Variants in WWC2 observed in about 807,000 individuals in gnomAD.
The protein encoded by WWC2 is WW and C2 domain containing 2.
In WWC2, 101 loss-of-function variants were observed where a neutral mutation model predicts 138.5. The ratio of observed to expected loss-of-function variants is 0.73; its 90% CI spans 0.62 to 0.86. The LOEUF (loss-of-function observed/expected upper bound fraction) is 0.86. WWC2 is among the 40% of genes least tolerant of loss of function. WWC2 has a pLI of 0.00. For missense variants in WWC2, 1,420 were observed against 1,419.4 expected, an observed-to-expected ratio of 1.00 and a Z score of -0.01; for synonymous variants, 558 against 538.4, an observed-to-expected ratio of 1.04 and a Z score of -0.50.
intron 1 of WWC2, among the ~76,000 whole-genome samples, chr4:183,109,593 G>A (rs72691669): frequency 0.012 from 1,815 of 152,262 alleles, 18 homozygotes; most frequent in Non-Finnish European, 0.019. Flanking sequence ...TCATTATAGG[G>A]TTCGCTCTCC....
chr4:183,171,690 C>G (rs1734285459), intron 1 of WWC2, among the ~76,000 whole-genome samples: 1 of 152,156 alleles, frequency 6.6e-6, no homozygotes, highest in Non-Finnish European at 1.5e-5. Flanking sequence ...CATCCTGTGA[C>G]CCACTACTCT....
chr4:183,141,626 C>A (rs1733302934), intron 1 of WWC2, among the ~76,000 whole-genome samples: 1 of 152,094 alleles, frequency 6.6e-6, no homozygotes, highest in African/African-American at 2.4e-5. Flanking sequence ...CTTTGTATCA[C>A]CAAAATACTT....
chr4:183,156,935 C>T (rs1053365303), intron 1 of WWC2, among the ~76,000 whole-genome samples: 1 of 152,118 alleles, frequency 6.6e-6, no homozygotes, highest in African/African-American at 2.4e-5. Flanking sequence ...TCTCTTCCCT[C>T]GTACTCATTA....
chr4:183,259,300 C>T (rs913960671), intron 9 of WWC2, among the ~76,000 whole-genome samples: 1 of 152,130 alleles, frequency 6.6e-6, no homozygotes. Context: ...GGATTCTAGT[C>T]TTTGGTTAGT....
intron 11 of WWC2, 116 bp from the exon 12 acceptor site, chr4:183,264,862 G>C: frequency 9.0e-7 from 1 of 1,112,798 alleles, no homozygotes. Context: ...TAACATCCTT[G>C]ACTCCCAGAA....
chr4:183,101,034 T>C (rs926343015), intron 1 of WWC2, among the ~76,000 whole-genome samples: 1 of 152,242 alleles, frequency 6.6e-6, no homozygotes, highest in African/African-American at 2.4e-5. Flanking sequence ...AGATAGTAAA[T>C]GTCAGTGCTG....
At chr4:183,306,656 A>G (rs1019479874) in intron 21 of WWC2, among the ~76,000 whole-genome samples, 1 of 126,032 alleles carries the variant, frequency 7.9e-6, no homozygotes, top group Non-Finnish European at 1.8e-5. Context: ...CCTCCTGAGT[A>G]GCTGGGATTA....
rs142595422 is a variant in WWC2 at position 183,233,225 on chromosome 4, C to T, written c.523-6958C>T. The stretch of plus-strand genomic sequence containing the variant: ...AGGTTTGAGTGCAATGGCTTGATCT[C>T]GGCTCACTGCAAACTCTGCCTCCTG... On this transcript the variant is annotated intron_variant, in intron 4 of 22. Transcript: ENST00000403733. Among the ~76,000 whole-genome samples the T allele has an allele frequency of 3.1e-3, 391 of 127,352 alleles. 4 individuals carry two copies. The highest frequency in any genetic ancestry group is 0.011 in the African/African-American group (374 of 33,270). 83.5% of individuals were successfully genotyped at this position (127,352 alleles called of 152,430 possible).
intron 1 of WWC2, among the ~76,000 whole-genome samples, chr4:183,127,816 A>G (rs985815258): frequency 1.3e-5 from 2 of 152,184 alleles, no homozygotes; most frequent in Non-Finnish European, 2.9e-5. Flanking sequence ...GAAAACATAT[A>G]TATGTAACAC....
chr4:183,173,870 A>T (rs370968763), intron 1 of WWC2, among the ~76,000 whole-genome samples: 1 of 152,152 alleles, frequency 6.6e-6, no homozygotes, highest in Non-Finnish European at 1.5e-5. Flanking sequence ...GACAGCTCTC[A>T]GTCATATTTA....
Position 183,253,884 on chromosome 4 carries a change from G to T in WWC2, c.1081G>T (p.Val361Phe), listed in dbSNP as rs149721424. The T allele has an allele frequency of 1.7e-5, 28 of 1,613,632 alleles. No homozygotes were observed. The highest frequency in any genetic ancestry group is 2.4e-5 in the Non-Finnish European group (28 of 1,179,836). ...KEELLKELQFVTPQKRTQDEL... is the reference protein window; with the variant it reads ...KEELLKELQFFTPQKRTQDEL... ...AGAACTTTTGAAAGAGCTTCAGTTC[G>T]TCACCCCACAGAAACGTACCCAAGA... The change falls in exon 9 of 23, where the codon GTC becomes TTC. Residue 361 changes from valine (V) to phenylalanine (F), a missense_variant. Physicochemically the swap from Val to Phe is conservative, Grantham distance 50 (BLOSUM62 -1). Transcript: ENST00000403733.
At chr4:183,149,851 TG>T (rs921967856) in intron 1 of WWC2, among the ~76,000 whole-genome samples, 4 of 152,178 alleles carry the variant, frequency 2.6e-5, no homozygotes, top group Non-Finnish European at 4.4e-5. Flanking sequence ...TGAATTAATA[TG>T]GGGTTGCAAA....
In WWC2 at chr4:183,197,519, G is replaced by A. The variant is rs78124369; in HGVS notation, c.241+3811G>A. On this transcript the variant is annotated intron_variant, in intron 2 of 22. Coordinates refer to ENST00000403733, the MANE Select transcript of WWC2 (RefSeq NM_024949.6). ...CACTATTGAATATTTAGAAGTAAAAGATTTGACCTTGACTGTGAAAGTTAT... is the reference window on the plus strand; with the variant it reads ...CACTATTGAATATTTAGAAGTAAAAAATTTGACCTTGACTGTGAAAGTTAT... 2.0e-5 allele frequency among the ~76,000 whole-genome samples: 3 copies of A among 152,164 alleles called. No homozygotes were observed. In the East Asian group the frequency reaches 5.8e-4, roughly 29 times the overall value.
chr4:183,208,664 A>T (rs1322535596), intron 3 of WWC2, among the ~76,000 whole-genome samples: 3 of 152,202 alleles, frequency 2.0e-5, no homozygotes, highest in Admixed American at 1.3e-4. Flanking sequence ...CAAAACTCTG[A>T]TATACTGCTG....
At chr4:183,226,696 C>T (rs556844511) in intron 4 of WWC2, among the ~76,000 whole-genome samples, 1 of 151,998 alleles carries the variant, frequency 6.6e-6, no homozygotes, top group Non-Finnish European at 1.5e-5. Flanking sequence ...CAGGCTTTGT[C>T]AGGATTTCAC....
chr4:183,231,126 C>T (rs1177599371), intron 4 of WWC2, among the ~76,000 whole-genome samples: 1 of 151,978 alleles, frequency 6.6e-6, no homozygotes, highest in Non-Finnish European at 1.5e-5. Flanking sequence ...AAACTAAATA[C>T]AGCAACATTT....
intron 16 of WWC2, among the ~76,000 whole-genome samples, chr4:183,273,012 T>G (rs1737741728): frequency 6.6e-6 from 1 of 152,112 alleles, no homozygotes; most frequent in Admixed American, 6.5e-5. Context: ...TGTTTAATAA[T>G]TTGAGGAACA....
intron 14 of WWC2, among the ~76,000 whole-genome samples, chr4:183,268,478 C>T (rs554417400): frequency 1.3e-5 from 2 of 152,288 alleles, no homozygotes; most frequent in African/African-American, 4.8e-5. Context: ...CAATATGCTA[C>T]TGAGCCTTTC....
chr4:183,308,011 A>G (rs1321043412), intron 21 of WWC2, among the ~76,000 whole-genome samples: 2 of 152,234 alleles, frequency 1.3e-5, no homozygotes, highest in African/African-American at 4.8e-5. Flanking sequence ...TCTGGGAACT[A>G]ATAAGTGATT....
Sources: allele counts gnomAD v4.1 joint callset (sites outside exome capture counted in the v4.1 genomes callset), GRCh38; gene constraint gnomAD v4.1.1; transcripts MANE v1.5; gene names NCBI Gene and HGNC (gene_info 2026-07-23, HGNC 2026-07-21).